CLYBL: variants seen among roughly 807,000 people sequenced by gnomAD.
CLYBL encodes the protein citramalyl-CoA lyase, also known as citramalyl-CoA lyase, mitochondrial.
CLYBL carries 31 observed loss-of-function variants against 38.9 expected under a neutral mutation model. The ratio of observed to expected loss-of-function variants is 0.80; its 90% CI spans 0.60 to 1.08. The LOEUF (loss-of-function observed/expected upper bound fraction) is 1.08, where lower values mean the gene tolerates loss of function less well. Ranked by LOEUF, CLYBL falls within the 50% of genes least tolerant of loss-of-function variation. The probability of loss-of-function intolerance (pLI) is 0.00; values close to 1 mark genes in which losing one functional copy is unlikely to be tolerated. For synonymous variants in CLYBL, 171 were observed against 158.6 expected (o/e 1.08, Z -0.59); for missense variants, 434 against 411.6 (o/e 1.05, Z -0.47).
intron 1 of CLYBL, among the ~76,000 whole-genome samples, chr13:99,748,443 T>TG (rs1392507678): frequency 5.8e-5 from 4 of 68,410 alleles, no homozygotes; most frequent in African/African-American, 1.8e-4. Flanking sequence ...TTTTTTTTTT[T>TG]TTTTTTTTTT....
chr13:99,659,547 G>A (rs1025472122), intron 1 of CLYBL, among the ~76,000 whole-genome samples: 9 of 152,092 alleles, frequency 5.9e-5, no homozygotes, highest in Admixed American at 2.0e-4. Context: ...TCATTTGTTG[G>A]TGGAGTCCTG....
chr13:99,782,920 T>C (rs1351056611), intron 2 of CLYBL, among the ~76,000 whole-genome samples: 1 of 151,274 alleles, frequency 6.6e-6, no homozygotes, highest in Non-Finnish European at 1.5e-5. Context: ...CATATTTTCT[T>C]CTTGTTTCTC....
chr13:99,806,934 G>A (rs567728255), intron 2 of CLYBL, among the ~76,000 whole-genome samples: 9 of 152,226 alleles, frequency 5.9e-5, no homozygotes, highest in Non-Finnish European at 1.0e-4. Context: ...AGATGGCTGT[G>A]TCTACATTCT....
chr13:99,631,399 T>A (rs1427340438), intron 1 of CLYBL, among the ~76,000 whole-genome samples: 1 of 151,636 alleles, frequency 6.6e-6, no homozygotes, highest in Non-Finnish European at 1.5e-5. Flanking sequence ...TGCAAATATA[T>A]AATATATACA....
At chr13:99,813,538 T>C (rs2050383109) in intron 2 of CLYBL, among the ~76,000 whole-genome samples, 1 of 152,066 alleles carries the variant, frequency 6.6e-6, no homozygotes, top group East Asian at 1.9e-4. Flanking sequence ...GACTTTGGAG[T>C]CAGTCAAACT....
intron 1 of CLYBL, among the ~76,000 whole-genome samples, chr13:99,661,219 A>T (rs2047403889): frequency 6.6e-6 from 1 of 152,122 alleles, no homozygotes; most frequent in African/African-American, 2.4e-5. Context: ...AATAGTCTTA[A>T]TCCCTAAAGC....
At position 99,848,832 on chromosome 13, in the gene CLYBL, G is replaced by A. The variant is rs567016526; in HGVS notation, c.250-10029G>A. Among the ~76,000 whole-genome samples, 8 of 152,262 alleles carry A rather than the reference G, an allele frequency of 5.3e-5. No homozygotes were observed. In the East Asian group the frequency reaches 9.7e-4, roughly 18 times the overall value. On this transcript the variant is annotated intron_variant, in intron 2 of 8. Transcript: ENST00000339105. ...AACCACAGACAAATCTGAGCATGGC[G>A]GTGGTTAATAGTATTGGGAAAGATG...
chr13:99,857,975 C>T (rs766558153), intron 2 of CLYBL, among the ~76,000 whole-genome samples: 1 of 152,264 alleles, frequency 6.6e-6, no homozygotes, highest in Admixed American at 6.5e-5. Context: ...GCTTTTGAAA[C>T]TGAAATTGGC....
chr13:99,606,789 G>C (rs2046530469), intron 1 of CLYBL, 32 bp downstream of exon 1: 1 of 1,365,294 alleles, frequency 7.3e-7, no homozygotes, highest in South Asian at 1.8e-5. Flanking sequence ...CCGCCTTCCC[G>C]GCCCGGCTCG....
chr13:99,703,207 CAG>C (rs2048095792), intron 1 of CLYBL, among the ~76,000 whole-genome samples: 1 of 152,212 alleles, frequency 6.6e-6, no homozygotes, highest in Non-Finnish European at 1.5e-5. Context: ...GTAATCCCCG[CAG>C]TTTGGGAGGC....
chr13:99,663,305 G>C (rs1345105321), intron 1 of CLYBL, among the ~76,000 whole-genome samples: 1 of 152,224 alleles, frequency 6.6e-6, no homozygotes, highest in Non-Finnish European at 1.5e-5. Flanking sequence ...TTTTCCAGTT[G>C]GCATCCTTGA....
chr13:99,830,819 T>G (rs1033244667), intron 2 of CLYBL, among the ~76,000 whole-genome samples: 1 of 152,234 alleles, frequency 6.6e-6, no homozygotes, highest in South Asian at 2.1e-4. Context: ...TGGATTGCAT[T>G]GAAAAGATAA....
intron 7 of CLYBL, among the ~76,000 whole-genome samples, chr13:99,885,409 A>G (rs1374157437): frequency 6.6e-6 from 1 of 151,978 alleles, no homozygotes; most frequent in African/African-American, 2.4e-5. Context: ...CTGGCAGGAG[A>G]TGAGGCTGAG....
intron 1 of CLYBL, among the ~76,000 whole-genome samples, chr13:99,762,220 C>G (rs902706397): frequency 1.3e-5 from 2 of 151,982 alleles, no homozygotes; most frequent in Non-Finnish European, 2.9e-5. Flanking sequence ...CTTTTGGGGT[C>G]TTACACAAAA....
At chr13:99,857,595 C>T (rs1021925061) in intron 2 of CLYBL, among the ~76,000 whole-genome samples, 5 of 152,284 alleles carry the variant, frequency 3.3e-5, no homozygotes, top group African/African-American at 9.6e-5. Flanking sequence ...TCTAAGCTAC[C>T]GTTTCCTCAC....
downstream of CLYBL, among the ~76,000 whole-genome samples, chr13:99,899,294 T>C (rs2052616543): frequency 6.6e-6 from 1 of 152,104 alleles, no homozygotes; most frequent in Non-Finnish European, 1.5e-5. Flanking sequence ...CATGCCAGAG[T>C]TTCCAGTGGG....
chr13:99,845,972 T>TTAAA (rs1555317268), intron 2 of CLYBL, among the ~76,000 whole-genome samples: 3 of 147,978 alleles, frequency 2.0e-5, no homozygotes, highest in Admixed American at 2.0e-4. Context: ...ATTTGCCACC[T>TTAAA]AAAAAAAAAA....
chr13:99,864,704 C>T, intron 4 of CLYBL, 114 bp from the exon 5 acceptor site: 1 of 723,608 alleles, frequency 1.4e-6, no homozygotes, highest in South Asian at 1.7e-5. Flanking sequence ...TTTAGGACTG[C>T]TTTCAGCCAA....
intron 1 of CLYBL, among the ~76,000 whole-genome samples, chr13:99,653,248 G>C (rs942952102): frequency 2.0e-5 from 3 of 152,172 alleles, no homozygotes; most frequent in African/African-American, 7.2e-5. Flanking sequence ...AGGAGCACCT[G>C]TGGATGTTTC....
Sources: allele counts gnomAD v4.1 joint callset (sites outside exome capture counted in the v4.1 genomes callset), GRCh38; gene constraint gnomAD v4.1.1; transcripts MANE v1.5; gene names NCBI Gene and HGNC (gene_info 2026-07-23, HGNC 2026-07-21).